The following CUEDC1 variants were observed in gnomAD, a reference collection of about 807,000 sequenced individuals.
The protein encoded by CUEDC1 is CUE domain-containing protein 1.
Under a neutral mutation model 43.7 loss-of-function variants are expected in CUEDC1, and 30 were observed. That is an observed-to-expected ratio of 0.69 (90% CI 0.51 to 0.93). The LOEUF (loss-of-function observed/expected upper bound fraction) is 0.93, where lower values mean the gene tolerates loss of function less well. Ranked by LOEUF, CUEDC1 falls within the 40% of genes least tolerant of loss-of-function variation. The pLI, the probability that CUEDC1 is intolerant of heterozygous loss-of-function variation, is 0.00. For synonymous variants in CUEDC1, 223 were observed against 223.6 expected, an observed-to-expected ratio of 1.00 and a Z score of 0.02; for missense variants, 486 against 549.0, an observed-to-expected ratio of 0.89 and a Z score of 1.15.
intron 3 of CUEDC1, among the ~76,000 whole-genome samples, chr17:57,875,192 G>A (rs2074100360): frequency 6.6e-6 from 1 of 152,204 alleles, no homozygotes; most frequent in African/African-American, 2.4e-5. Flanking sequence ...CTACAGCAGG[G>A]AGGGACCCTC....
chr17:57,888,329 T>C (rs998428919), intron 1 of CUEDC1, among the ~76,000 whole-genome samples: 1 of 152,262 alleles, frequency 6.6e-6, no homozygotes, highest in Non-Finnish European at 1.5e-5. Flanking sequence ...CATGTCAGAA[T>C]ACGTAGGGCT....
At chr17:57,883,263 A>G (rs1220062317) in intron 2 of CUEDC1, among the ~76,000 whole-genome samples, 4 of 152,218 alleles carry the variant, frequency 2.6e-5, no homozygotes, top group Non-Finnish European at 5.9e-5. Flanking sequence ...GCTGCAGATG[A>G]CACAGGGATG....
chr17:57,927,701 TAACCCAC>T (rs1347017367), intron 1 of CUEDC1, among the ~76,000 whole-genome samples: 1 of 152,224 alleles, frequency 6.6e-6, no homozygotes, highest in Non-Finnish European at 1.5e-5. Context: ...AGCCTCACAT[TAACCCAC>T]AGCCCAATAA....
intron 1 of CUEDC1, among the ~76,000 whole-genome samples, chr17:57,932,421 T>C (rs759416315): frequency 6.6e-6 from 1 of 150,702 alleles, no homozygotes; most frequent in Non-Finnish European, 1.5e-5. Context: ...CCATCTCCAC[T>C]AAAAATACAA....
chr17:57,902,878 A>C (rs983162917), intron 1 of CUEDC1: 4 of 152,294 alleles, frequency 2.6e-5, no homozygotes, highest in African/African-American at 9.6e-5. Flanking sequence ...ATTGAAGTAC[A>C]GAGGAGTTAA....
intron 7 of CUEDC1, 136 bp from the exon 8 acceptor site, chr17:57,868,379 G>C (rs2073990191): frequency 1.4e-6 from 1 of 719,394 alleles, no homozygotes. Flanking sequence ...GGTGGGAGCT[G>C]AGGAGGGAGA....
intron 1 of CUEDC1, chr17:57,903,260 G>T (rs1170459921): frequency 6.6e-6 from 1 of 152,498 alleles, no homozygotes; most frequent in Non-Finnish European, 1.5e-5. Flanking sequence ...CACCTTGCCA[G>T]GCTCCACTGC....
chr17:57,868,824 C>T (rs1410778057), intron 7 of CUEDC1, among the ~76,000 whole-genome samples: 1 of 152,206 alleles, frequency 6.6e-6, no homozygotes, highest in Non-Finnish European at 1.5e-5. Context: ...CAGCTCCGGC[C>T]AAGCCTCCTC....
At chr17:57,869,893 T>C (rs1237804059) in intron 6 of CUEDC1, 2 of 152,592 alleles carry the variant, frequency 1.3e-5, no homozygotes, top group African/African-American at 4.8e-5. Flanking sequence ...CCCAGTCACC[T>C]TGCCTGCTAA....
Position 57,879,620 on chromosome 17 carries a change from G to A in CUEDC1, c.455C>T (p.Pro152Leu), listed in dbSNP as rs564595554. 4.1e-5 allele frequency: 65 copies of A among 1,590,324 alleles called. No homozygotes were observed. The highest frequency in any genetic ancestry group is 3.7e-4 in the South Asian group (32 of 87,260). Residue 152 changes from proline (P) to leucine (L), a missense_variant, in exon 3 of 11, where the codon CCG (proline) becomes CTG (leucine). Transcript: ENST00000577830. ...CATGACAGATTCTCACCGGGGAGGC[G>A]GAGTCGGGGGAGCCAGAGGGTAGGG... ...DRPYPLAPPTPPPRIDALGSG... is the reference protein window; with the variant it reads ...DRPYPLAPPTLPPRIDALGSG...
chr17:57,943,860 A>G (rs1052675360), intron 1 of CUEDC1, among the ~76,000 whole-genome samples: 1 of 152,144 alleles, frequency 6.6e-6, no homozygotes, highest in East Asian at 1.9e-4. Context: ...TGTACACTTA[A>G]TCTACCTCTA....
intron 2 of CUEDC1, among the ~76,000 whole-genome samples, chr17:57,884,488 G>A (rs1399403430): frequency 2.0e-5 from 3 of 151,524 alleles, no homozygotes; most frequent in South Asian, 2.1e-4. Context: ...GAGCCACCTC[G>A]CCCGGCCCCA....
In CUEDC1 at chr17:57,916,146, G is replaced by T. The variant is rs1235214082; in HGVS notation, c.-315-30267C>A. Among the ~76,000 whole-genome samples, 5 of 152,366 alleles carry T rather than the reference G, an allele frequency of 3.3e-5. No individual in the cohort carries two copies. The East Asian group carries it at 9.6e-4, about 29-fold the overall frequency. ...AGGTCCCACCAAAGAATCGAAGCTG[G>T]TGCCAGCTCTCCGACTCCTACCCAG... On this transcript the variant is annotated intron_variant, in intron 1 of 10. Transcript: ENST00000577830.
At position 57,868,222 on chromosome 17, in the gene CUEDC1, TCAAA is replaced by T. The variant is rs776086737; in HGVS notation, c.958_961del (p.Phe320AsnfsTer12). 8.1e-6 allele frequency: 13 copies of T among 1,613,974 alleles called. No individual in the cohort carries two copies. The highest frequency in any genetic ancestry group is 3.3e-5 in the South Asian group (3 of 91,086). ...CTTCTCTGAGAAGGCTCGGGCAAGT[TCAAA>T]CAGTTTCCTCCGGGTGGCTGGGGGC... On this transcript the variant is annotated frameshift_variant, in exon 8 of 11. Transcript: ENST00000577830. LOFTEE classifies it high-confidence loss of function.
At chr17:57,940,326 C>G (rs962501585) in intron 1 of CUEDC1, among the ~76,000 whole-genome samples, 11 of 151,696 alleles carry the variant, frequency 7.3e-5, no homozygotes, top group African/African-American at 2.7e-4. Context: ...AAGCTGGAAA[C>G]AAGAAATTCA....
chr17:57,866,362 C>CT, intron 10 of CUEDC1, 112 bp downstream of exon 10: 1 of 899,510 alleles, frequency 1.1e-6, no homozygotes, highest in Non-Finnish European at 1.8e-6. Context: ...GCCTGTGCTA[C>CT]CCAGTTGCCT....
chr17:57,893,633 C>T (rs1196945782), intron 1 of CUEDC1, among the ~76,000 whole-genome samples: 1 of 152,212 alleles, frequency 6.6e-6, no homozygotes, highest in Non-Finnish European at 1.5e-5. Flanking sequence ...CACCCCCAGG[C>T]AGCCAGGAAG....
intron 8 of CUEDC1, 61 bp downstream of exon 8, chr17:57,868,089 G>T: frequency 7.2e-7 from 1 of 1,383,232 alleles, no homozygotes; most frequent in Non-Finnish European, 1.0e-6. Context: ...GTCCAACAGG[G>T]GTCTTGCTCC....
At chr17:57,892,203 G>A (rs76654854) in intron 1 of CUEDC1, among the ~76,000 whole-genome samples, 19,023 of 152,116 alleles carry the variant, frequency 0.13, 1,518 homozygotes, top group Non-Finnish European at 0.17. Context: ...AGATATATAA[G>A]GGAATGCGTT....
Sources: gnomAD v4.1 joint callset for allele counts (sites outside exome capture counted in the v4.1 genomes callset) on GRCh38, gnomAD v4.1.1 for gene constraint, MANE v1.5 for transcripts, NCBI Gene and HGNC (gene_info 2026-07-23, HGNC 2026-07-21) for gene names.